CNTN5: variants seen among roughly 807,000 people sequenced by gnomAD.
The protein encoded by CNTN5 is contactin-5.
CNTN5 carries 77 observed loss-of-function variants against 129.1 expected under a neutral mutation model. The ratio of observed to expected loss-of-function variants is 0.60; its 90% CI spans 0.50 to 0.72. The LOEUF is 0.72. Ranked by LOEUF, CNTN5 falls within the 30% of genes least tolerant of loss-of-function variation. The probability of loss-of-function intolerance (pLI) is 0.00; values close to 1 mark genes in which losing one functional copy is unlikely to be tolerated. For synonymous variants in CNTN5, 509 were observed against 465.6 expected (o/e 1.09, Z -1.20); for missense variants, 1,478 against 1,328.8 (o/e 1.11, Z -1.75).
intron 15 of CNTN5, among the ~76,000 whole-genome samples, chr11:100,209,084 C>T (rs533771805): frequency 6.6e-6 from 1 of 152,248 alleles, no homozygotes; most frequent in South Asian, 2.1e-4. Flanking sequence ...GTCTCACTGA[C>T]CTATCCAAGT....
chr11:99,668,081 G>C (rs1952872760), intron 3 of CNTN5, among the ~76,000 whole-genome samples: 1 of 152,106 alleles, frequency 6.6e-6, no homozygotes, highest in Middle Eastern at 3.2e-3. Context: ...CTTTCTCACT[G>C]AAACTGAATA....
intron 13 of CNTN5, among the ~76,000 whole-genome samples, chr11:100,190,740 T>TTTA (rs1948458849): frequency 6.6e-6 from 1 of 151,552 alleles, no homozygotes; most frequent in East Asian, 1.9e-4. Flanking sequence ...TTTTTTTTTT[T>TTTA]TATATATGAC....
At chr11:99,261,509 C>T (rs1862627695) in intron 1 of CNTN5, among the ~76,000 whole-genome samples, 1 of 151,944 alleles carries the variant, frequency 6.6e-6, no homozygotes, top group South Asian at 2.1e-4. Flanking sequence ...TCCAAAATAA[C>T]ACAATAGAAA....
chr11:99,807,831 T>A (rs1375763854), intron 3 of CNTN5, among the ~76,000 whole-genome samples: 1 of 152,332 alleles, frequency 6.6e-6, no homozygotes, highest in African/African-American at 2.4e-5. Flanking sequence ...TGCAGAGTAT[T>A]CTGTTTCTGG....
intron 1 of CNTN5, among the ~76,000 whole-genome samples, chr11:99,160,239 A>T (rs981805234): frequency 1.3e-5 from 2 of 152,204 alleles, no homozygotes; most frequent in Non-Finnish European, 2.9e-5. Flanking sequence ...CCAGTCTTAG[A>T]CTGTTGATAA....
chr11:99,626,789 A>G (rs372514793), intron 3 of CNTN5, among the ~76,000 whole-genome samples: 1 of 152,134 alleles, frequency 6.6e-6, no homozygotes, highest in South Asian at 2.1e-4. Context: ...TATTCACAAC[A>G]CAGTGAAACG....
chr11:99,719,506 A>T (rs1485186538), intron 3 of CNTN5, among the ~76,000 whole-genome samples: 2 of 152,116 alleles, frequency 1.3e-5, no homozygotes, highest in Non-Finnish European at 2.9e-5. Context: ...AGATGAAGCA[A>T]GATTTTGAGG....
At chr11:99,255,520 T>A (rs964338076) in intron 1 of CNTN5, among the ~76,000 whole-genome samples, 47 of 151,288 alleles carry the variant, frequency 3.1e-4, no homozygotes, top group Non-Finnish European at 6.3e-4. Context: ...TACTTTAGAG[T>A]CACATATATG....
chr11:99,696,281 TCA>T (rs1954266478), intron 3 of CNTN5, among the ~76,000 whole-genome samples: 1 of 152,150 alleles, frequency 6.6e-6, no homozygotes, highest in South Asian at 2.1e-4. Context: ...AAGCATACTC[TCA>T]CAGAGTTTAA....
intron 18 of CNTN5, among the ~76,000 whole-genome samples, chr11:100,291,612 G>T (rs1950973853): frequency 6.6e-6 from 1 of 151,856 alleles, no homozygotes; most frequent in African/African-American, 2.4e-5. Context: ...CTGTGGTGGG[G>T]AAGGGGGAGG....
At chr11:99,651,463 A>C (rs1420004327) in intron 3 of CNTN5, among the ~76,000 whole-genome samples, 1 of 151,966 alleles carries the variant, frequency 6.6e-6, no homozygotes, top group Non-Finnish European at 1.5e-5. Flanking sequence ...GATCCAAAGC[A>C]CATTTAAATG....
chr11:99,801,644 G>A (rs111622563), intron 3 of CNTN5, among the ~76,000 whole-genome samples: 11 of 151,604 alleles, frequency 7.3e-5, no homozygotes, highest in Admixed American at 2.6e-4. Flanking sequence ...TTAAATTTAT[G>A]TTTTTGTCTC....
At position 100,003,056 on chromosome 11, in the gene CNTN5, A is replaced by C. The variant is rs372921364; in HGVS notation, c.980+920A>C. Among the ~76,000 whole-genome samples the C allele has an allele frequency of 2.5e-4, 38 of 152,286 alleles. 1 individual carries two copies. The East Asian group carries it at 3.7e-3, about 15-fold the overall frequency. ...GCCTTTGGGTAAGGAAAATATTAGT[A>C]AATATGACAAAAAATCAGCTAGCTA... On this transcript the variant is annotated intron_variant, in intron 9 of 24. Coordinates refer to ENST00000524871, the MANE Select transcript of CNTN5 (RefSeq NM_014361.4).
chr11:99,384,480 C>A (rs1468716363), intron 2 of CNTN5, among the ~76,000 whole-genome samples: 6 of 152,168 alleles, frequency 3.9e-5, no homozygotes, highest in Non-Finnish European at 7.3e-5. Flanking sequence ...TCACCCCCAA[C>A]CGAGGGACTC....
intron 1 of CNTN5, among the ~76,000 whole-genome samples, chr11:99,314,117 A>C (rs1300136803): frequency 6.6e-6 from 1 of 150,930 alleles, no homozygotes; most frequent in African/African-American, 2.4e-5. Context: ...ATAGTCAACA[A>C]ATATTAATTA....
chr11:99,466,885 C>G (rs1310508494), intron 2 of CNTN5, among the ~76,000 whole-genome samples: 2 of 152,002 alleles, frequency 1.3e-5, no homozygotes, highest in Non-Finnish European at 2.9e-5. Flanking sequence ...ACATAATTGC[C>G]AGCACATTCT....
chr11:99,885,696 TTAA>T (rs1948883899), intron 6 of CNTN5, among the ~76,000 whole-genome samples: 1 of 152,278 alleles, frequency 6.6e-6, no homozygotes, highest in African/African-American at 2.4e-5. Context: ...ATTTTTGTAG[TTAA>T]TAACGTAGAT....
At position 99,100,977 on chromosome 11, in the gene CNTN5, A is replaced by G. The variant is rs59318392; in HGVS notation, c.-210+79707A>G. Among the ~76,000 whole-genome samples, 846 of 152,306 alleles carry G rather than the reference A, an allele frequency of 5.6e-3. 9 individuals are homozygous for G. Among genetic ancestry groups the G allele is most frequent in the African/African-American group, 0.02 (819 of 41,554 alleles). On this transcript the variant is annotated intron_variant, in intron 1 of 24. Coordinates refer to ENST00000524871, the MANE Select transcript of CNTN5 (RefSeq NM_014361.4). ...ATTAGTCCATTTTCACACTGCTGAT[A>G]AAGGCAGACCTGAGCCTGGGTAATT...
intron 1 of CNTN5, among the ~76,000 whole-genome samples, chr11:99,296,575 C>A (rs1864399247): frequency 6.6e-6 from 1 of 152,234 alleles, no homozygotes; most frequent in Non-Finnish European, 1.5e-5. Flanking sequence ...ATTTAAATGG[C>A]TCATCAGGTA....
Sources: gnomAD v4.1 joint callset for allele counts (sites outside exome capture counted in the v4.1 genomes callset) on GRCh38, gnomAD v4.1.1 for gene constraint, MANE v1.5 for transcripts, NCBI Gene and HGNC (gene_info 2026-07-23, HGNC 2026-07-21) for gene names.